JAM2: variants seen among roughly 807,000 people sequenced by gnomAD.
JAM2 encodes junctional adhesion molecule B.
JAM2 carries 17 observed loss-of-function variants against 42.0 expected under a neutral mutation model. That is an observed-to-expected ratio of 0.40 (90% confidence interval 0.28 to 0.61). The LOEUF (loss-of-function observed/expected upper bound fraction) is 0.61. Ranked by LOEUF, JAM2 falls within the 20% of genes least tolerant of loss-of-function variation. The pLI is 0.37. For missense variants in JAM2, 319 were observed against 358.3 expected (o/e 0.89, Z 0.89); for synonymous variants, 118 against 128.6 (o/e 0.92, Z 0.56).
intron 1 of JAM2, among the ~76,000 whole-genome samples, chr21:25,665,955 G>A (rs906583470): frequency 1.3e-5 from 2 of 152,036 alleles, no homozygotes; most frequent in East Asian, 1.9e-4. Flanking sequence ...CAGGAGAATC[G>A]CTTGAACCCA....
At chr21:25,703,147 C>T (rs1416788814) in intron 6 of JAM2, among the ~76,000 whole-genome samples, 5 of 152,192 alleles carry the variant, frequency 3.3e-5, no homozygotes, top group Non-Finnish European at 7.3e-5. Context: ...CCACCGTACC[C>T]GGCCTGTCCT....
intron 1 of JAM2, among the ~76,000 whole-genome samples, chr21:25,679,565 G>A (rs1163727374): frequency 6.6e-6 from 1 of 152,194 alleles, no homozygotes; most frequent in Admixed American, 6.5e-5. Context: ...ACATCCTACA[G>A]TGCACAGGAC....
chr21:25,695,666 C>CG (rs1403741513), intron 4 of JAM2, among the ~76,000 whole-genome samples: 2 of 151,284 alleles, frequency 1.3e-5, no homozygotes, highest in Non-Finnish European at 2.9e-5. Context: ...ACTTCCCAGA[C>CG]GGGGCGGGGC....
At chr21:25,695,760 C>T (rs1221422442) in intron 4 of JAM2, among the ~76,000 whole-genome samples, 4 of 149,970 alleles carry the variant, frequency 2.7e-5, no homozygotes, top group African/African-American at 4.9e-5. Flanking sequence ...ACGGGGTGGC[C>T]GGGCAGAGAC....
chr21:25,644,543 G>A (rs1446168147), intron 1 of JAM2, among the ~76,000 whole-genome samples: 3 of 152,098 alleles, frequency 2.0e-5, no homozygotes, highest in Admixed American at 1.3e-4. Context: ...CACTCATCAG[G>A]ACCCTTGTCA....
chr21:25,696,340 A>G (rs533404398), intron 4 of JAM2, among the ~76,000 whole-genome samples: 13 of 152,308 alleles, frequency 8.5e-5, no homozygotes, highest in Non-Finnish European at 1.6e-4. Flanking sequence ...TGGCAGCAGT[A>G]CAGTCCAGCT....
chr21:25,647,948 C>A (rs1052134058), intron 1 of JAM2, among the ~76,000 whole-genome samples: 1 of 152,206 alleles, frequency 6.6e-6, no homozygotes, highest in South Asian at 2.1e-4. Context: ...CTGTGACTCA[C>A]GCCTGTAATC....
chr21:25,670,766 A>T (rs945515271), intron 1 of JAM2, among the ~76,000 whole-genome samples: 2 of 152,350 alleles, frequency 1.3e-5, no homozygotes, highest in South Asian at 4.1e-4. Flanking sequence ...GGACCCAAGA[A>T]ATCAGGGTAG....
At chr21:25,683,813 C>T in intron 1 of JAM2, 70 bp from the exon 2 acceptor site, 1 of 1,077,826 alleles carries the variant, frequency 9.3e-7, no homozygotes, top group Non-Finnish European at 1.4e-6. Flanking sequence ...TTGACTATTG[C>T]ATCCCATTCA....
intron 1 of JAM2, among the ~76,000 whole-genome samples, chr21:25,646,573 AAAG>A (rs1210046564): frequency 1.4e-5 from 2 of 138,700 alleles, no homozygotes; most frequent in Admixed American, 7.4e-5. Context: ...GTGTGGGGGG[AAAG>A]AGAGAGAGAG....
At chr21:25,697,198 ACT>A (rs1311219697) in intron 4 of JAM2, among the ~76,000 whole-genome samples, 1 of 151,168 alleles carries the variant, frequency 6.6e-6, no homozygotes, top group Non-Finnish European at 1.5e-5. Flanking sequence ...GCCAGAGAAA[ACT>A]CTCTGCTTTT....
chr21:25,672,753 C>T (rs2033391152), intron 1 of JAM2, among the ~76,000 whole-genome samples: 1 of 152,188 alleles, frequency 6.6e-6, no homozygotes, highest in Admixed American at 6.5e-5. Context: ...GTTGTTCTTT[C>T]TCTCTTTGCC....
intron 1 of JAM2, among the ~76,000 whole-genome samples, chr21:25,641,860 C>T (rs1331180007): frequency 6.6e-6 from 1 of 152,026 alleles, no homozygotes; most frequent in African/African-American, 2.4e-5. Context: ...TTAGGCTTCC[C>T]TTGCTTTCTC....
chr21:25,675,773 C>G (rs1418978543), intron 1 of JAM2, among the ~76,000 whole-genome samples: 1 of 152,094 alleles, frequency 6.6e-6, no homozygotes, highest in African/African-American at 2.4e-5. Flanking sequence ...CCCATCACCC[C>G]CCACCAGCCC....
chr21:25,703,456 A>G (rs924480570), intron 6 of JAM2, among the ~76,000 whole-genome samples: 2 of 152,154 alleles, frequency 1.3e-5, no homozygotes, highest in African/African-American at 4.8e-5. Flanking sequence ...ACGGTCATCC[A>G]TTGATCCGAG....
At chr21:25,663,294 G>T (rs2033137546) in intron 1 of JAM2, among the ~76,000 whole-genome samples, 2 of 152,212 alleles carry the variant, frequency 1.3e-5, no homozygotes, top group Non-Finnish European at 2.9e-5. Flanking sequence ...GCCTCTGAAG[G>T]AAGCTAAATA....
chr21:25,682,483 G>A (rs959213879), intron 1 of JAM2, among the ~76,000 whole-genome samples: 2 of 152,250 alleles, frequency 1.3e-5, no homozygotes, highest in African/African-American at 4.8e-5. Flanking sequence ...CAGGGGTGTG[G>A]CTCACCTGTT....
At chr21:25,695,149 C>T (rs930271786) in intron 4 of JAM2, among the ~76,000 whole-genome samples, 7 of 152,114 alleles carry the variant, frequency 4.6e-5, no homozygotes, top group Non-Finnish European at 1.0e-4. Flanking sequence ...GTTTGTGTCC[C>T]TGGGTACTTG....
At chr21:25,640,815 T>TTCTCTCTC (rs147248766) in intron 1 of JAM2, among the ~76,000 whole-genome samples, 11 of 151,534 alleles carry the variant, frequency 7.3e-5, no homozygotes, top group African/African-American at 2.7e-4. Flanking sequence ...TCTTCTTTCT[T>TTCTCTCTC]TCTCTCTCTC....
Sources: gnomAD v4.1 joint callset for allele counts (sites outside exome capture counted in the v4.1 genomes callset) on GRCh38, gnomAD v4.1.1 for gene constraint, MANE v1.5 for transcripts, NCBI Gene and HGNC (gene_info 2026-07-23, HGNC 2026-07-21) for gene names.